ADCY10: variants seen among roughly 807,000 people sequenced by gnomAD.
ADCY10 encodes the protein adenylate cyclase type 10.
ADCY10 carries 156 observed loss-of-function variants against 183.3 expected under a neutral mutation model. The observed-to-expected ratio is 0.85, with a 90% CI of 0.75 to 0.97. The LOEUF is 0.97. ADCY10 is among the 50% of genes least tolerant of loss of function. The pLI, the probability that ADCY10 is intolerant of heterozygous loss-of-function variation, is 0.00. For missense variants in ADCY10, 1,745 were observed against 1,934.3 expected, an observed-to-expected ratio of 0.90 and a Z score of 1.84; for synonymous variants, 645 against 670.0, an observed-to-expected ratio of 0.96 and a Z score of 0.58.
At chr1:167,824,331 A>G in intron 28 of ADCY10, 145 bp downstream of exon 28, 1 of 771,548 alleles carries the variant, frequency 1.3e-6, no homozygotes, top group Non-Finnish European at 2.3e-6. Flanking sequence ...TGAAAAAAGA[A>G]AAAAGGGTGA....
chr1:167,894,517 T>G (rs1401246507), intron 7 of ADCY10, among the ~76,000 whole-genome samples: 1 of 151,948 alleles, frequency 6.6e-6, no homozygotes, highest in Non-Finnish European at 1.5e-5. Flanking sequence ...TAGGATAGAC[T>G]GATAAGAGAT....
intron 8 of ADCY10, among the ~76,000 whole-genome samples, chr1:167,891,261 A>G (rs956637917): frequency 1.3e-5 from 2 of 151,898 alleles, no homozygotes; most frequent in Non-Finnish European, 2.9e-5. Flanking sequence ...CGCTTGGCTC[A>G]TCTAACATTT....
intron 1 of ADCY10, among the ~76,000 whole-genome samples, chr1:167,905,650 G>A (rs1669763611): frequency 6.6e-6 from 1 of 151,536 alleles, no homozygotes; most frequent in African/African-American, 2.4e-5. Flanking sequence ...GTATTTATAT[G>A]TAAGTGAGTA....
intron 7 of ADCY10, among the ~76,000 whole-genome samples, chr1:167,895,496 G>T (rs1350555866): frequency 1.3e-5 from 2 of 152,170 alleles, no homozygotes; most frequent in Non-Finnish European, 2.9e-5. Context: ...ATGATTCAAA[G>T]ATGTTTCTGA....
rs961602443 is a variant in ADCY10 at position 167,815,559 on chromosome 1, C to T, written c.4482+2513G>A. 2.2e-4 allele frequency among the ~76,000 whole-genome samples: 34 copies of T among 152,154 alleles called. 1 individual carries two copies. The highest frequency in any genetic ancestry group is 1.0e-4 in the Non-Finnish European group (7 of 68,038). On this transcript the variant is annotated intron_variant, in intron 31 of 32. Coordinates refer to ENST00000367851, the MANE Select transcript of ADCY10 (RefSeq NM_018417.6). The stretch of plus-strand genomic sequence containing the variant: ...TAGGACTGTAGAATGCTTTCCCTCT[C>T]CTCACACCTTACCATCACATTACTA...
At chr1:167,832,925 A>T in intron 25 of ADCY10, 62 bp downstream of exon 25, 1 of 1,561,514 alleles carries the variant, frequency 6.4e-7, no homozygotes, top group South Asian at 1.1e-5. Context: ...GACTTGGATT[A>T]TGTGTAGGCC....
intron 21 of ADCY10, among the ~76,000 whole-genome samples, chr1:167,840,959 G>A (rs366694): frequency 3.6e-5 from 2 of 55,056 alleles, no homozygotes; most frequent in African/African-American, 3.4e-4. Context: ...TTTTTTTTTT[G>A]AGACAGGGCC....
chr1:167,822,519 C>T (rs993562560), intron 29 of ADCY10, among the ~76,000 whole-genome samples: 7 of 152,120 alleles, frequency 4.6e-5, no homozygotes, highest in Non-Finnish European at 7.3e-5. Flanking sequence ...CAGGTTGGTT[C>T]CTGTGGTTTA....
intron 30 of ADCY10, chr1:167,818,473 T>C: frequency 1.5e-6 from 1 of 673,300 alleles, no homozygotes; most frequent in Non-Finnish European, 2.7e-6. Context: ...TTTGATGACT[T>C]GAGATGAATA....
chr1:167,813,264 A>G (rs2101828766), intron 31 of ADCY10, among the ~76,000 whole-genome samples: 1 of 152,270 alleles, frequency 6.6e-6, no homozygotes, highest in East Asian at 1.9e-4. Flanking sequence ...GAAGCAACTA[A>G]TCACATACAA....
At chr1:167,897,984 A>C (rs181441414) in intron 6 of ADCY10, among the ~76,000 whole-genome samples, 163 of 7,256 alleles carry the variant, frequency 0.022, 27 homozygotes, top group Non-Finnish European at 0.057. Context: ...GGCGACAGAG[A>C]GAGACTCTGT....
intron 14 of ADCY10, among the ~76,000 whole-genome samples, chr1:167,866,530 CAAAAAAAAAAA>C (rs57450280): frequency 1.8e-5 from 2 of 110,778 alleles, no homozygotes; most frequent in Non-Finnish European, 4.0e-5. Context: ...CTCTATGTGC[CAAAAAAAAAAA>C]AAAAAAAAAA....
chr1:167,883,586 G>T lies in ADCY10; in HGVS notation c.871C>A (p.Pro291Thr). Residue 291 changes from proline (P) to threonine (T), a missense_variant, in exon 9 of 33, where the codon CCA becomes ACA. Coordinates refer to ENST00000367851, the MANE Select transcript of ADCY10 (RefSeq NM_018417.6). ...QLQGYLSELR[P>T]VTIVFVNLMF... is the part of the protein sequence containing the mutation. ...AGGTTCACAAACACAATCGTCACTG[G>T]GCGAAGCTCAGATAAATAGCCCTGA... 6.2e-7 allele frequency: 1 copy of T among 1,614,164 alleles called. No individual in the cohort carries two copies. The highest frequency in any genetic ancestry group is 1.3e-5 in the African/African-American group (1 of 75,034).
chr1:167,907,593 T>C (rs1669903457), intron 1 of ADCY10, among the ~76,000 whole-genome samples: 1 of 152,230 alleles, frequency 6.6e-6, no homozygotes, highest in Non-Finnish European at 1.5e-5. Context: ...GACAGGGAAG[T>C]GCACTCCTAC....
At chr1:167,820,439 T>A (rs1662831178) in intron 30 of ADCY10, 2 of 508,790 alleles carry the variant, frequency 3.9e-6, no homozygotes, top group Admixed American at 7.9e-5. Context: ...TTATGCCCAC[T>A]AAAGTCTGAG....
intron 16 of ADCY10, 62 bp from the exon 17 acceptor site, chr1:167,856,501 T>C: frequency 6.5e-7 from 1 of 1,534,862 alleles, no homozygotes; most frequent in Admixed American, 1.7e-5. Context: ...TTTACACATG[T>C]ATGGGTATGC....
chr1:167,904,359 T>C (rs758709449), intron 2 of ADCY10, among the ~76,000 whole-genome samples: 5 of 152,108 alleles, frequency 3.3e-5, no homozygotes, highest in Non-Finnish European at 7.4e-5. Context: ...GTGTTGGGAT[T>C]GCAGGCGTGA....
intron 14 of ADCY10, among the ~76,000 whole-genome samples, chr1:167,866,735 T>C (rs1666724425): frequency 1.1e-5 from 1 of 94,680 alleles, no homozygotes; most frequent in African/African-American, 5.0e-5. Context: ...TCCACAGATA[T>C]AAAGAAAGTT....
At chr1:167,886,418 G>C (rs1216859061) in intron 8 of ADCY10, among the ~76,000 whole-genome samples, 1 of 152,058 alleles carries the variant, frequency 6.6e-6, no homozygotes, top group Non-Finnish European at 1.5e-5. Context: ...TCTGATCTTT[G>C]ACAAACCTGA....
Sources: allele counts gnomAD v4.1 joint callset (sites outside exome capture counted in the v4.1 genomes callset), GRCh38; gene constraint gnomAD v4.1.1; transcripts MANE v1.5; gene names NCBI Gene and HGNC (gene_info 2026-07-23, HGNC 2026-07-21).